KCNK3: variants seen among roughly 807,000 people sequenced by gnomAD.
KCNK3 encodes the protein potassium two pore domain channel subfamily K member 3, also known as potassium channel subfamily K member 3.
A neutral mutation model predicts 27.3 loss-of-function variants in KCNK3; 9 were observed. That is an observed-to-expected ratio of 0.33 (90% CI 0.20 to 0.57). The LOEUF is 0.57. Ranked by LOEUF, KCNK3 falls within the 20% of genes least tolerant of loss-of-function variation. The probability of loss-of-function intolerance (pLI) is 0.87; values close to 1 mark genes in which losing one functional copy is unlikely to be tolerated. For missense variants in KCNK3, 391 were observed against 577.7 expected (o/e 0.68, Z 3.31); for synonymous variants, 278 against 273.8 (o/e 1.02, Z -0.15).
At chr2:26,712,573 C>T (rs770565053) in intron 1 of KCNK3, among the ~76,000 whole-genome samples, 8 of 151,992 alleles carry the variant, frequency 5.3e-5, no homozygotes, top group Non-Finnish European at 1.0e-4. Flanking sequence ...GTGCAGATGT[C>T]CCCCTTCCCT....
intron 1 of KCNK3, among the ~76,000 whole-genome samples, chr2:26,700,730 C>CACCAT (rs1558595612): frequency 1.7e-4 from 25 of 150,674 alleles, no homozygotes; most frequent in African/African-American, 6.1e-4. Flanking sequence ...ATCATCATCA[C>CACCAT]CATCATCATC....
Position 26,727,839 on chromosome 2 carries a change from C to A in KCNK3, c.456C>A (p.Ala152=). The A allele has an allele frequency of 6.2e-7, 1 of 1,612,500 alleles. No homozygotes were observed. Residue 152 remains alanine, a synonymous_variant, in exon 2 of 2, where the codon GCC becomes GCA. Transcript: ENST00000302909. ...RAKKGLGMRR[A]DVSMANMVLI... ...AGAAGGGGCTGGGCATGCGGCGCGC[C>A]GACGTGTCCATGGCCAACATGGTGC...
chr2:26,731,065 C>T lies in KCNK3; in HGVS notation c.*2497C>T, dbSNP rs541554195. 1 of 152,480 alleles carries T rather than the reference C, an allele frequency of 6.6e-6. No individual in the cohort carries two copies. The highest frequency in any genetic ancestry group is 1.9e-4 in the East Asian group (1 of 5,172). 9.4% of individuals were successfully genotyped at this position (152,480 alleles called of 1,614,324 possible). A position where few individuals can be genotyped will look rare whatever the true frequency, so the allele number is the denominator to read the frequency against. ...CAATATGTGTGGGTGACCATGCCCT[C>T]ACGACCACACCCCCACCCCGGGCAG... is the stretch of plus-strand genomic sequence containing the variant. On this transcript the variant is annotated 3_prime_UTR_variant, in exon 2 of 2. Coordinates refer to ENST00000302909, the MANE Select transcript of KCNK3 (RefSeq NM_002246.3).
intron 1 of KCNK3, among the ~76,000 whole-genome samples, chr2:26,714,621 C>T (rs1307607728): frequency 6.6e-6 from 1 of 151,002 alleles, no homozygotes; most frequent in Non-Finnish European, 1.5e-5. Context: ...TGCAGTGGCT[C>T]AGGCCTGTAA....
At chr2:26,699,223 AAGAAAGAAAG>A (rs1470153891) in intron 1 of KCNK3, among the ~76,000 whole-genome samples, 2 of 149,110 alleles carry the variant, frequency 1.3e-5, no homozygotes, top group Admixed American at 1.3e-4. Context: ...GAAAGAAAGA[AAGAAAGAAAG>A]AAAGAAAGAA....
At position 26,730,273 on chromosome 2, in the gene KCNK3, T is replaced by C. The variant is rs1419685308; in HGVS notation, c.*1705T>C. The C allele has an allele frequency of 6.6e-6, 1 of 152,246 alleles. No individual in the cohort carries two copies. The highest frequency in any genetic ancestry group is 6.5e-5 in the Admixed American group (1 of 15,286). 9.4% of individuals were successfully genotyped at this position (152,246 alleles called of 1,614,324 possible). ...TCACACCTGGCACCATTGTCATTGT[T>C]GGTGCCTGTGTCCCAAGTAGCTAGT... On this transcript the variant is annotated 3_prime_UTR_variant, in exon 2 of 2. Coordinates refer to ENST00000302909, the MANE Select transcript of KCNK3 (RefSeq NM_002246.3).
intron 1 of KCNK3, among the ~76,000 whole-genome samples, chr2:26,715,404 TAAG>T (rs1377456401): frequency 2.0e-5 from 3 of 152,230 alleles, no homozygotes; most frequent in Non-Finnish European, 2.9e-5. Flanking sequence ...ACTGAGCCAC[TAAG>T]AAGTACAAGG....
In KCNK3 at chr2:26,728,716, C is replaced by A; in HGVS notation, c.*148C>A. ...CCCAGCACCCCCATCTCCGACTGTG[C>A]CTGCTTGCACCAGCCGGCAGGAGGC... On this transcript the variant is annotated 3_prime_UTR_variant, in exon 2 of 2. Transcript: ENST00000302909. 2 of 654,392 alleles carry A rather than the reference C, an allele frequency of 3.1e-6. No individual in the cohort carries two copies. Among genetic ancestry groups the A allele is most frequent in the Non-Finnish European group, 4.4e-6 (2 of 450,322 alleles). 40.5% of individuals were successfully genotyped at this position (654,392 alleles called of 1,614,324 possible).
intron 1 of KCNK3, among the ~76,000 whole-genome samples, chr2:26,724,113 C>T (rs1342196999): frequency 1.3e-5 from 2 of 152,244 alleles, no homozygotes; most frequent in Non-Finnish European, 2.9e-5. Flanking sequence ...GCTCCAGGGC[C>T]CCCTGGGAGT....
intron 1 of KCNK3, among the ~76,000 whole-genome samples, chr2:26,716,062 T>C (rs917317074): frequency 6.6e-6 from 1 of 152,234 alleles, no homozygotes; most frequent in Non-Finnish European, 1.5e-5. Context: ...AGGGGCAGCG[T>C]CTTGCCTGGG....
chr2:26,720,679 A>G (rs1334033653), intron 1 of KCNK3, among the ~76,000 whole-genome samples: 1 of 152,028 alleles, frequency 6.6e-6, no homozygotes, highest in Non-Finnish European at 1.5e-5. Context: ...TGGGGAGTCC[A>G]GGAGGAAGCA....
chr2:26,728,184 C>T lies in KCNK3; in HGVS notation c.801C>T (p.Asn267=), dbSNP rs1302528580. 3 of 1,567,238 alleles carry T rather than the reference C, an allele frequency of 1.9e-6. No individual in the cohort carries two copies. The highest frequency in any genetic ancestry group is 1.4e-5 in the African/African-American group (1 of 73,808). The change falls in exon 2 of 2, where the codon AAC becomes AAT. Residue 267 remains asparagine (N), a synonymous_variant. Transcript: ENST00000302909. ...DAEHRALLTR[N]GQAGGGGGGG... ...AGCACCGCGCGCTGCTCACGCGCAA[C>T]GGGCAGGCGGGCGGCGGCGGAGGGG...
rs1407911681 is a variant in KCNK3 at position 26,732,763 on chromosome 2, G to GT, written c.*4200dup. ...ATGCAACAATAGCAGAAATTAGCTTGTTTTTGAGGTTGGCAATGACCAGTT... is the reference window on the plus strand; with the variant it reads ...ATGCAACAATAGCAGAAATTAGCTTGTTTTTTGAGGTTGGCAATGACCAGTT... On this transcript the variant is annotated 3_prime_UTR_variant, in exon 2 of 2. Coordinates refer to ENST00000302909, the MANE Select transcript of KCNK3 (RefSeq NM_002246.3). 1 of 152,280 alleles carries GT rather than the reference G, an allele frequency of 6.6e-6. No individual in the cohort carries two copies. Among genetic ancestry groups the GT allele is most frequent in the African/African-American group, 2.4e-5 (1 of 41,456 alleles). 9.4% of individuals were successfully genotyped at this position (152,280 alleles called of 1,614,324 possible). A position where few individuals can be genotyped will look rare whatever the true frequency, so the allele number is the denominator to read the frequency against.
intron 1 of KCNK3, among the ~76,000 whole-genome samples, chr2:26,710,955 C>T (rs913911202): frequency 2.8e-4 from 42 of 152,336 alleles, no homozygotes; most frequent in African/African-American, 1.0e-3. Context: ...CGTGGCTGGC[C>T]GGCTGCCCTT....
intron 1 of KCNK3, among the ~76,000 whole-genome samples, chr2:26,716,692 C>A (rs912486047): frequency 6.6e-6 from 1 of 152,172 alleles, no homozygotes; most frequent in Non-Finnish European, 1.5e-5. Context: ...GTACCCCTCT[C>A]CTCAGGGCCT....
At chr2:26,718,399 T>C (rs895381338) in intron 1 of KCNK3, among the ~76,000 whole-genome samples, 1 of 152,198 alleles carries the variant, frequency 6.6e-6, no homozygotes, top group African/African-American at 2.4e-5. Flanking sequence ...TACTTCCTGT[T>C]CCAAGAACGC....
rs980971980 is a variant in KCNK3, at chr2:26,693,248, G to C, written c.283+90G>C. On this transcript the variant is annotated intron_variant, in intron 1 of 1. Coordinates refer to ENST00000302909, the MANE Select transcript of KCNK3 (RefSeq NM_002246.3). This position sits in a 1 kb window ranked among gnomAD's most constrained non-coding sequence, Gnocchi z 5.5. ...GGGCCGGCTGGGGCTGGGGGCGGGGGCTCCCCCGAGAGGGGCTGGGCGCCG... is the reference window on the plus strand; with the variant it reads ...GGGCCGGCTGGGGCTGGGGGCGGGGCCTCCCCCGAGAGGGGCTGGGCGCCG... 2.0e-5 allele frequency: 23 copies of C among 1,165,726 alleles called. No individual in the cohort carries two copies. The highest frequency in any genetic ancestry group is 3.6e-5 in the Admixed American group (1 of 28,102). The allele number at this position is 1,165,726 out of a possible 1,614,324, so 72.2% of individuals were successfully genotyped here.
chr2:26,726,498 G>A (rs935166), intron 1 of KCNK3, among the ~76,000 whole-genome samples: 58,717 of 152,094 alleles, frequency 0.39, 13,569 homozygotes, highest in Non-Finnish European at 0.51. Flanking sequence ...AAATGCCAGC[G>A]TCATTTTATT....
intron 1 of KCNK3, among the ~76,000 whole-genome samples, chr2:26,705,943 G>A (rs11126666): frequency 0.27 from 40,285 of 151,954 alleles, 5,976 homozygotes; most frequent in East Asian, 0.69. Context: ...AGCAGTTGCT[G>A]GAACCAGAGT....
Sources: gnomAD v4.1 joint callset for allele counts (sites outside exome capture counted in the v4.1 genomes callset) on GRCh38, gnomAD v4.1.1 for gene constraint, Gnocchi (gnomAD v3.1) non-coding constraint, MANE v1.5 for transcripts, NCBI Gene and HGNC (gene_info 2026-07-23, HGNC 2026-07-21) for gene names.